Variants in MEP1B observed in about 807,000 individuals in gnomAD.
The protein encoded by MEP1B is N-benzoyl-L-tyrosyl-P-amino-benzoic acid hydrolase subunit beta.
In MEP1B, 80 loss-of-function variants were observed where a neutral mutation model predicts 84.6. That is an observed-to-expected ratio of 0.95 (90% CI 0.79 to 1.14). The LOEUF is 1.14. MEP1B is among the 50% of genes most tolerant of loss of function. MEP1B has a pLI of 0.00. For synonymous variants in MEP1B, 273 were observed against 288.1 expected (o/e 0.95, Z 0.53); for missense variants, 766 against 855.1 (o/e 0.90, Z 1.30).
Position 32,210,710 on chromosome 18 carries a change from A to G in MEP1B, c.1129A>G (p.Ile377Val). The change falls in exon 10 of 15, where the codon ATA (isoleucine) becomes GTA (valine). Residue 377 changes from isoleucine to valine, a missense_variant. Coordinates refer to ENST00000269202, the MANE Select transcript of MEP1B (RefSeq NM_005925.3). ...VDGNLTLVEE[I>V]KEIPTGSWQL... The stretch of plus-strand genomic sequence containing the variant: ...TGGCAATTTAACCCTTGTGGAAGAA[A>G]TAAAAGGTACAATGTCAACATCCTT... 1 of 1,612,252 alleles carries G rather than the reference A, an allele frequency of 6.2e-7. No homozygotes were observed. The highest frequency in any genetic ancestry group is 8.5e-7 in the Non-Finnish European group (1 of 1,178,740).
chr18:32,191,201 T>C (rs1568262091), intron 1 of MEP1B, among the ~76,000 whole-genome samples: 1 of 151,606 alleles, frequency 6.6e-6, no homozygotes. Context: ...TCAGGTTTAC[T>C]TAGTTGTTTT....
At chr18:32,218,191 A>AG (rs1017934370) in intron 14 of MEP1B, among the ~76,000 whole-genome samples, 4 of 152,160 alleles carry the variant, frequency 2.6e-5, no homozygotes, top group Non-Finnish European at 5.9e-5. Context: ...TGTATACAAC[A>AG]TTGTGTACAG....
intron 12 of MEP1B, among the ~76,000 whole-genome samples, 128 bp from the exon 13 acceptor site, chr18:32,216,839 GCCTGGGCAACATTGCAAGATCTCA>G (rs1197579843): frequency 1.3e-5 from 2 of 150,998 alleles, no homozygotes; most frequent in Non-Finnish European, 2.9e-5. Context: ...GCAAAGACCA[GCCTGGGCAACATTGCAAGATCTCA>G]CCTCTAAAAA....
chr18:32,191,822 G>A lies in MEP1B; in HGVS notation c.64G>A (p.Ala22Thr), dbSNP rs948923747. 1.3e-6 allele frequency: 2 copies of A among 1,539,192 alleles called. No homozygotes were observed. The highest frequency in any genetic ancestry group is 2.3e-5 in the East Asian group (1 of 42,674). The change falls in exon 2 of 15, where the codon GCA becomes ACA. Residue 22 changes from alanine to threonine, a missense_variant and splice_region_variant. Physicochemically the swap from Ala to Thr is moderately conservative, Grantham distance 58. Transcript: ENST00000269202. The stretch of plus-strand genomic sequence containing the variant: ...TTTTGTTTATGTGTTTATTTCCCAG[G>A]CAACTCCAGAAAACTTTGGTGAGTC... ...LDALLVISGL[A>T]TPENFDVDGG...
At position 32,195,401 on chromosome 18, in the gene MEP1B, T is replaced by C. The variant is rs765455337; in HGVS notation, c.172-6T>C. ...TAACTAGCCCTTTTGCATTTATTTT[T>C]GACAGGCACAAATTAGAAATTCCAT... On this transcript the variant is annotated splice_polypyrimidine_tract_variant and splice_region_variant and intron_variant, in intron 4 of 14. Coordinates refer to ENST00000269202, the MANE Select transcript of MEP1B (RefSeq NM_005925.3). 1 of 1,597,518 alleles carries C rather than the reference T, an allele frequency of 6.3e-7. No homozygotes were observed. Among genetic ancestry groups the C allele is most frequent in the Non-Finnish European group, 8.6e-7 (1 of 1,165,782 alleles).
intron 9 of MEP1B, 44 bp from the exon 10 acceptor site, chr18:32,210,457 T>A: frequency 6.6e-7 from 1 of 1,519,054 alleles, no homozygotes. Context: ...CACATTCCTA[T>A]ACCCAGTATC....
rs1046515193 is a variant in MEP1B, at chr18:32,196,473, A to C, written c.250+988A>C. The C allele has an allele frequency of 1.4e-6, 1 of 694,240 alleles. No individual in the cohort carries two copies. The highest frequency in any genetic ancestry group is 2.7e-6 in the Non-Finnish European group (1 of 376,492). The allele number at this position is 694,240 out of a possible 1,614,324, so 43.0% of individuals were successfully genotyped here. On this transcript the variant is annotated intron_variant, in intron 5 of 14. Coordinates refer to ENST00000269202, the MANE Select transcript of MEP1B (RefSeq NM_005925.3). This position sits in a 1 kb window ranked among gnomAD's most constrained non-coding sequence, Gnocchi z 4.4. ...CCTTCCTTCTGGTGCTGCAGGGCCG[A>C]CCGGAAACTCAGCTTTGCTCTCATA...
intron 2 of MEP1B, among the ~76,000 whole-genome samples, chr18:32,192,141 A>G (rs975267171): frequency 6.6e-6 from 1 of 152,082 alleles, no homozygotes; most frequent in East Asian, 1.9e-4. Flanking sequence ...ACCTAATAAT[A>G]ACAGTCTACT....
Position 32,195,446 on chromosome 18 carries a change from T to C in MEP1B, c.211T>C (p.Trp71Arg), listed in dbSNP as rs1186490077. The C allele has an allele frequency of 1.2e-6, 2 of 1,612,604 alleles. No homozygotes were observed. The highest frequency in any genetic ancestry group is 1.7e-6 in the Non-Finnish European group (2 of 1,178,834). ...TTCCATCATTGGAGAAAAGTATAGA[T>C]GGCCTCATACCATTCCATATGTTCT... Reference protein sequence around the residue: ...RNSIIGEKYRWPHTIPYVLED... With the variant: ...RNSIIGEKYRRPHTIPYVLED... The change falls in exon 5 of 15, where the codon TGG becomes CGG. Residue 71 changes from tryptophan to arginine, a missense_variant. Physicochemically the swap from Trp to Arg is moderately radical, Grantham distance 101 (BLOSUM62 -3). Transcript: ENST00000269202.
At chr18:32,211,306 A>C (rs994915170) in intron 10 of MEP1B, among the ~76,000 whole-genome samples, 1 of 152,112 alleles carries the variant, frequency 6.6e-6, no homozygotes, top group South Asian at 2.1e-4. Flanking sequence ...TAAAAATAAA[A>C]TACATAAAAA....
Position 32,215,107 on chromosome 18 carries a change from G to A in MEP1B, c.1605G>A (p.Arg535=). The A allele has an allele frequency of 1.9e-6, 3 of 1,599,274 alleles. No individual in the cohort carries two copies. Among genetic ancestry groups the A allele is most frequent in the Non-Finnish European group, 1.7e-6 (2 of 1,172,978 alleles). The change falls in exon 12 of 15, where the codon AGG becomes AGA. Residue 535 remains arginine (R), a synonymous_variant. Transcript: ENST00000269202. ...ATAATGGAAACTATTTCTGGGACAG[G>A]CCTTCTAAAGTGGGAACAGTGGCTT... ...TTDNGNYFWD[R]PSKVGTVALF...
chr18:32,196,562 G>T lies in MEP1B; in HGVS notation c.250+1077G>T. The T allele has an allele frequency of 1.4e-6, 1 of 707,276 alleles. No homozygotes were observed. The allele number at this position is 707,276 out of a possible 1,614,324, so 43.8% of individuals were successfully genotyped here. A position where few individuals can be genotyped will look rare whatever the true frequency, so the allele number is the denominator to read the frequency against. The stretch of plus-strand genomic sequence containing the variant: ...GAGCTTTGGGCCCTTGGTACTTGGT[G>T]CTGACGGCCAGCGCGTTGTCCAGGA... On this transcript the variant is annotated intron_variant, in intron 5 of 14. Transcript: ENST00000269202. This position sits in a 1 kb window ranked among gnomAD's most constrained non-coding sequence, Gnocchi z 4.4.
intron 1 of MEP1B, among the ~76,000 whole-genome samples, chr18:32,190,559 C>CT (rs1354097964): frequency 6.6e-6 from 1 of 152,124 alleles, no homozygotes; most frequent in Admixed American, 6.5e-5. Context: ...ACTCATCCTT[C>CT]TACAGTTTGG....
At chr18:32,194,411 G>A (rs192126234) in intron 4 of MEP1B, among the ~76,000 whole-genome samples, 35 of 152,172 alleles carry the variant, frequency 2.3e-4, no homozygotes, top group Admixed American at 1.7e-3. Flanking sequence ...TTCCATAGTT[G>A]CCTATGGGTT....
At chr18:32,211,628 A>C (rs1488902660) in intron 10 of MEP1B, among the ~76,000 whole-genome samples, 1 of 152,196 alleles carries the variant, frequency 6.6e-6, no homozygotes, top group Non-Finnish European at 1.5e-5. Flanking sequence ...TAAGTTAAAC[A>C]CAGCTTCTGG....
chr18:32,203,473 G>C (rs2040933063), intron 6 of MEP1B, among the ~76,000 whole-genome samples: 1 of 152,154 alleles, frequency 6.6e-6, no homozygotes, highest in Non-Finnish European at 1.5e-5. Flanking sequence ...CAGGCATAAC[G>C]AGGAGCTCAA....
chr18:32,212,572 A>G (rs964835450), intron 10 of MEP1B, among the ~76,000 whole-genome samples: 1 of 152,178 alleles, frequency 6.6e-6, no homozygotes, highest in African/African-American at 2.4e-5. Context: ...AATACTTACA[A>G]TGCTGAGTTA....
Position 32,196,673 on chromosome 18 carries a change from G to A in MEP1B, c.250+1188G>A. 1.5e-6 allele frequency: 1 copy of A among 662,968 alleles called. No individual in the cohort carries two copies. 41.1% of individuals were successfully genotyped at this position (662,968 alleles called of 1,614,324 possible). ...CGCCACCTCGGGGTGTCTTCCCCAA[G>A]CACCAGCGCATGAGGTAGTGGGCGC... On this transcript the variant is annotated intron_variant, in intron 5 of 14. Coordinates refer to ENST00000269202, the MANE Select transcript of MEP1B (RefSeq NM_005925.3). The surrounding 1 kb of genome is among the most constrained non-coding windows in gnomAD (Gnocchi z 4.4).
intron 11 of MEP1B, 23 bp from the exon 12 acceptor site, chr18:32,215,059 A>T (rs1408596413): frequency 6.5e-7 from 1 of 1,537,702 alleles, no homozygotes; most frequent in South Asian, 1.2e-5. Context: ...AACACACTCC[A>T]TTAATATAAA....
Sources: gnomAD v4.1 joint callset for allele counts (sites outside exome capture counted in the v4.1 genomes callset) on GRCh38, gnomAD v4.1.1 for gene constraint, Gnocchi (gnomAD v3.1) non-coding constraint, MANE v1.5 for transcripts, NCBI Gene and HGNC (gene_info 2026-07-23, HGNC 2026-07-21) for gene names.